NUP160: variants seen among roughly 807,000 people sequenced by gnomAD.
NUP160 encodes nuclear pore complex protein Nup160.
NUP160 carries 94 observed loss-of-function variants against 196.9 expected under a neutral mutation model. The observed-to-expected ratio is 0.48, with a 90% CI of 0.40 to 0.57. NUP160 has a LOEUF of 0.57. Ranked by LOEUF, NUP160 falls within the 20% of genes least tolerant of loss-of-function variation. NUP160 has a pLI of 0.00. For missense variants in NUP160, 1,638 were observed against 1,748.3 expected, an observed-to-expected ratio of 0.94 and a Z score of 1.13; for synonymous variants, 605 against 619.7, an observed-to-expected ratio of 0.98 and a Z score of 0.35.
At chr11:47,836,372 C>T (rs1852176097) in intron 6 of NUP160, among the ~76,000 whole-genome samples, 1 of 152,128 alleles carries the variant, frequency 6.6e-6, no homozygotes, top group African/African-American at 2.4e-5. Context: ...AACCATTTTA[C>T]CAACTTACAT....
chr11:47,793,026 G>A (rs953517332), intron 27 of NUP160, 80 bp from the exon 28 acceptor site: 57 of 1,274,278 alleles, frequency 4.5e-5, no homozygotes, highest in African/African-American at 3.9e-4. Flanking sequence ...TTGCTCTGTC[G>A]CCCAGGCTGG....
intron 27 of NUP160, among the ~76,000 whole-genome samples, chr11:47,794,963 T>C (rs1413565910): frequency 1.3e-5 from 2 of 151,722 alleles, no homozygotes; most frequent in African/African-American, 4.8e-5. Flanking sequence ...TAGCTGGGCA[T>C]GGTGGTAGGT....
At chr11:47,784,672 A>G (rs1354722019) in intron 33 of NUP160, 9 of 252,212 alleles carry the variant, frequency 3.6e-5, no homozygotes, top group Non-Finnish European at 6.7e-5. Flanking sequence ...ATATGTTCCC[A>G]TAAGTTATCA....
At chr11:47,809,256 CAAAAA>C (rs35748617) in intron 17 of NUP160, among the ~76,000 whole-genome samples, 4 of 94,752 alleles carry the variant, frequency 4.2e-5, no homozygotes, top group Middle Eastern at 0.014. Flanking sequence ...GAACTTGTCT[CAAAAA>C]AAAAAAAAAA....
At chr11:47,807,037 T>C in intron 19 of NUP160, 33 bp downstream of exon 19, 1 of 1,475,156 alleles carries the variant, frequency 6.8e-7, no homozygotes, top group Non-Finnish European at 9.4e-7. Flanking sequence ...ATCCCCAGTT[T>C]AAAATGAAAT....
intron 34 of NUP160, among the ~76,000 whole-genome samples, chr11:47,781,991 A>C (rs2097661130): frequency 6.6e-6 from 1 of 152,076 alleles, no homozygotes; most frequent in South Asian, 2.1e-4. Flanking sequence ...AATAAAAAGA[A>C]ATGCCTAGGC....
intron 9 of NUP160, chr11:47,821,408 A>AGTG (rs1482255844): frequency 7.1e-6 from 1 of 141,550 alleles, no homozygotes; most frequent in Non-Finnish European, 1.3e-5. Context: ...CCCAGGCTGG[A>AGTG]GTGCAGTGGA....
intron 31 of NUP160, among the ~76,000 whole-genome samples, chr11:47,787,878 C>T (rs570176592): frequency 4.6e-5 from 7 of 152,158 alleles, no homozygotes; most frequent in East Asian, 3.9e-4. Context: ...CCACCACGCC[C>T]GACTAATTTT....
At chr11:47,835,563 G>C in intron 7 of NUP160, 88 bp downstream of exon 7, 1 of 1,128,844 alleles carries the variant, frequency 8.9e-7, no homozygotes, top group Non-Finnish European at 1.2e-6. Context: ...TCGGTGAAAA[G>C]AGCTTGAACA....
intron 2 of NUP160, among the ~76,000 whole-genome samples, chr11:47,843,660 GC>G: frequency 6.6e-6 from 1 of 152,208 alleles, no homozygotes; most frequent in East Asian, 1.9e-4. Flanking sequence ...CTATTGCTAT[GC>G]AGAGGGTAGA....
chr11:47,796,688 G>T (rs1300921140), intron 27 of NUP160, among the ~76,000 whole-genome samples: 1 of 152,146 alleles, frequency 6.6e-6, no homozygotes, highest in East Asian at 1.9e-4. Context: ...GAAGAAAAAA[G>T]AATTCACCAG....
intron 17 of NUP160, 21 bp from the exon 18 acceptor site, chr11:47,808,550 G>A (rs1565196225): frequency 6.2e-7 from 1 of 1,602,600 alleles, no homozygotes; most frequent in Non-Finnish European, 8.5e-7. Flanking sequence ...TGGGTAGGTG[G>A]ACCAGACAAG....
intron 20 of NUP160, among the ~76,000 whole-genome samples, chr11:47,805,620 G>A (rs1244616967): frequency 6.7e-6 from 1 of 149,872 alleles, no homozygotes; most frequent in Non-Finnish European, 1.5e-5. Flanking sequence ...ATTTTTTTTT[G>A]TATTTTTAGT....
chr11:47,842,402 T>C (rs1409038742), intron 2 of NUP160, among the ~76,000 whole-genome samples: 1 of 152,196 alleles, frequency 6.6e-6, no homozygotes, highest in Non-Finnish European at 1.5e-5. Context: ...CTCTGAATAA[T>C]TCCTTCGCTT....
intron 27 of NUP160, among the ~76,000 whole-genome samples, chr11:47,794,899 C>A (rs928497927): frequency 6.6e-6 from 1 of 151,678 alleles, no homozygotes; most frequent in Non-Finnish European, 1.5e-5. Flanking sequence ...GACGACAGAG[C>A]GGGACTCTGT....
intron 32 of NUP160, among the ~76,000 whole-genome samples, chr11:47,786,038 G>T (rs957762793): frequency 1.4e-4 from 21 of 152,194 alleles, no homozygotes; most frequent in Non-Finnish European, 2.5e-4. Context: ...GTGGATGATG[G>T]GGGCTGATGG....
chr11:47,805,531 G>A (rs1599320030), intron 20 of NUP160, among the ~76,000 whole-genome samples: 1 of 145,490 alleles, frequency 6.9e-6, no homozygotes, highest in Non-Finnish European at 1.5e-5. Flanking sequence ...TGCAAGCTCC[G>A]CCTCCTGGGT....
At chr11:47,784,078 T>C (rs1440029930) in intron 33 of NUP160, among the ~76,000 whole-genome samples, 1 of 152,114 alleles carries the variant, frequency 6.6e-6, no homozygotes, top group Non-Finnish European at 1.5e-5. Flanking sequence ...AAAACTTTCC[T>C]GATTTTAAGC....
At chr11:47,826,025 GA>G (rs997328703) in intron 7 of NUP160, among the ~76,000 whole-genome samples, 1 of 151,880 alleles carries the variant, frequency 6.6e-6, no homozygotes, top group African/African-American at 2.4e-5. Context: ...TATGAAATAT[GA>G]AAAAAAATAT....
Sources: allele counts gnomAD v4.1 joint callset (sites outside exome capture counted in the v4.1 genomes callset), GRCh38; gene constraint gnomAD v4.1.1; transcripts MANE v1.5; gene names NCBI Gene and HGNC (gene_info 2026-07-23, HGNC 2026-07-21).